SND1: variants seen among roughly 807,000 people sequenced by gnomAD.
The protein encoded by SND1 is staphylococcal nuclease and tudor domain containing 1.
A neutral mutation model predicts 121.7 loss-of-function variants in SND1; 38 were observed. That is an observed-to-expected ratio of 0.31 (90% CI 0.24 to 0.41). The LOEUF (loss-of-function observed/expected upper bound fraction) is 0.41. SND1 is among the 10% of genes least tolerant of loss of function. SND1 has a pLI of 1.00. For synonymous variants in SND1, 401 were observed against 447.4 expected (o/e 0.90, Z 1.31); for missense variants, 868 against 1,184.6 (o/e 0.73, Z 3.92).
chr7:127,843,680 G>A (rs887553833), intron 11 of SND1, among the ~76,000 whole-genome samples: 3 of 152,112 alleles, frequency 2.0e-5, no homozygotes, highest in Non-Finnish European at 4.4e-5. Flanking sequence ...TGACAGTTAT[G>A]AACAAAGCCA....
At chr7:127,976,568 C>T (rs943782451) in intron 15 of SND1, among the ~76,000 whole-genome samples, 1 of 152,212 alleles carries the variant, frequency 6.6e-6, no homozygotes, top group Non-Finnish European at 1.5e-5. Context: ...TGTCCACTGG[C>T]CACAGTGGTG....
intron 12 of SND1, among the ~76,000 whole-genome samples, chr7:127,880,059 A>G (rs1278241596): frequency 6.6e-6 from 1 of 152,188 alleles, no homozygotes. Flanking sequence ...TAAACAACGC[A>G]TAAATTTTAA....
chr7:127,845,499 T>C (rs1268003526), intron 12 of SND1, among the ~76,000 whole-genome samples: 2 of 152,240 alleles, frequency 1.3e-5, no homozygotes, highest in Non-Finnish European at 2.9e-5. Context: ...ACAAATCAAG[T>C]AATATTTTTG....
chr7:127,947,718 C>T (rs1801360041), intron 15 of SND1, among the ~76,000 whole-genome samples: 1 of 152,174 alleles, frequency 6.6e-6, no homozygotes. Flanking sequence ...ATCATATTTG[C>T]AGTTCCCATC....
chr7:127,765,787 C>G (rs1797399609), intron 10 of SND1, among the ~76,000 whole-genome samples: 1 of 152,118 alleles, frequency 6.6e-6, no homozygotes, highest in African/African-American at 2.4e-5. Flanking sequence ...ATGGGCTGAA[C>G]TTAATATAAT....
At chr7:127,696,830 A>G (rs1006215962) in intron 3 of SND1, among the ~76,000 whole-genome samples, 6 of 152,236 alleles carry the variant, frequency 3.9e-5, no homozygotes, top group African/African-American at 1.4e-4. Context: ...ATGTTAACAC[A>G]TTAGTGTTTA....
intron 12 of SND1, among the ~76,000 whole-genome samples, chr7:127,850,280 C>T (rs1369465239): frequency 6.6e-6 from 1 of 152,122 alleles, no homozygotes; most frequent in East Asian, 1.9e-4. Context: ...TCACTGTCAG[C>T]CAAACCTCCT....
chr7:127,661,978 T>C (rs751667630), intron 1 of SND1, among the ~76,000 whole-genome samples: 8 of 141,834 alleles, frequency 5.6e-5, no homozygotes, highest in Admixed American at 2.8e-4. Context: ...TAGCCGGGCA[T>C]GGTGGTGCGT....
At chr7:127,764,046 AAAAAAAC>A (rs1224889864) in intron 10 of SND1, among the ~76,000 whole-genome samples, 32 of 145,350 alleles carry the variant, frequency 2.2e-4, no homozygotes, top group Admixed American at 5.0e-4. Flanking sequence ...CGCAAAAAAA[AAAAAAAC>A]AAAAAAACAA....
Position 127,825,635 on chromosome 7 carries a change from G to A in SND1, c.1242+18062G>A, listed in dbSNP as rs567652932. Among the ~76,000 whole-genome samples, 10 of 150,462 alleles carry A rather than the reference G, an allele frequency of 6.6e-5. No homozygotes were observed. In the South Asian group the frequency reaches 8.5e-4, roughly 13 times the overall value. On this transcript the variant is annotated intron_variant, in intron 11 of 23. Coordinates refer to ENST00000354725, the MANE Select transcript of SND1 (RefSeq NM_014390.4). ...TTGGCCAGGCTGGTCTTGAACTCCCGACTTCAGGTGATCCGCCCACCCCGG... is the reference window on the plus strand; with the variant it reads ...TTGGCCAGGCTGGTCTTGAACTCCCAACTTCAGGTGATCCGCCCACCCCGG...
intron 9 of SND1, among the ~76,000 whole-genome samples, chr7:127,711,446 CTT>C (rs1562987328): frequency 6.6e-6 from 1 of 152,052 alleles, no homozygotes; most frequent in Non-Finnish European, 1.5e-5. Context: ...TTATCAGAAA[CTT>C]TTTTGATTTC....
chr7:128,089,855 A>G, intron 22 of SND1, 163 bp downstream of exon 22: 1 of 670,400 alleles, frequency 1.5e-6, no homozygotes, highest in Non-Finnish European at 2.5e-6. Context: ...TTTTTGTTTT[A>G]AAGCTAATTA....
At chr7:128,065,819 A>G (rs775586630) in intron 16 of SND1, among the ~76,000 whole-genome samples, 3 of 152,330 alleles carry the variant, frequency 2.0e-5, no homozygotes, top group Non-Finnish European at 2.9e-5. Context: ...CTTCACGTCA[A>G]CTGGGAACAT....
At chr7:127,703,360 A>AGGG (rs752130255) in intron 7 of SND1, 37 bp downstream of exon 7, 1 of 1,607,586 alleles carries the variant, frequency 6.2e-7, no homozygotes, top group South Asian at 1.1e-5. Flanking sequence ...GTGATGGGCT[A>AGGG]GGGATGCATT....
chr7:127,920,476 T>C (rs1314915691), intron 14 of SND1, among the ~76,000 whole-genome samples: 2 of 152,160 alleles, frequency 1.3e-5, no homozygotes, highest in Non-Finnish European at 2.9e-5. Flanking sequence ...GCCATGATAC[T>C]ATAAACACTG....
In SND1 at chr7:127,852,810, CAAA is replaced by C. The variant is rs61595990; in HGVS notation, c.1343+8395_1343+8397del. Among the ~76,000 whole-genome samples the C allele has an allele frequency of 2.1e-3, 300 of 144,936 alleles. 2 individuals are homozygous for C. Among genetic ancestry groups the C allele is most frequent in the African/African-American group, 7.3e-3 (283 of 38,648 alleles). On this transcript the variant is annotated intron_variant, in intron 12 of 23. Coordinates refer to ENST00000354725, the MANE Select transcript of SND1 (RefSeq NM_014390.4). ...TGGGTGACAGAGCGAGACTTGGTCT[CAAA>C]AAAAAAAAGAAGAAAAAGAAATAAC...
At chr7:127,952,558 A>G (rs1801485008) in intron 15 of SND1, among the ~76,000 whole-genome samples, 1 of 152,012 alleles carries the variant, frequency 6.6e-6, no homozygotes, top group Non-Finnish European at 1.5e-5. Context: ...CCCATGGCCT[A>G]GCAGCCCCTG....
At chr7:128,066,230 C>T (rs562942414) in intron 16 of SND1, among the ~76,000 whole-genome samples, 41 of 152,238 alleles carry the variant, frequency 2.7e-4, no homozygotes, top group African/African-American at 7.0e-4. Flanking sequence ...GCATTCCAGG[C>T]GGGAGAGAAA....
intron 11 of SND1, among the ~76,000 whole-genome samples, chr7:127,809,932 A>G (rs1238885679): frequency 6.6e-6 from 1 of 152,110 alleles, no homozygotes; most frequent in African/African-American, 2.4e-5. Context: ...TTTGTTTCGT[A>G]ATTTGTGAAC....
Sources: gnomAD v4.1 joint callset for allele counts (sites outside exome capture counted in the v4.1 genomes callset) on GRCh38, gnomAD v4.1.1 for gene constraint, MANE v1.5 for transcripts, NCBI Gene and HGNC (gene_info 2026-07-23, HGNC 2026-07-21) for gene names.